TUNAR: variants seen among roughly 807,000 people sequenced by gnomAD.
The protein encoded by TUNAR is transmembrane neural differentiation associated intracellular calcium regulator, also known as protein TUNAR.
chr14:95,916,257 G>A (rs888984482), intron 2 of TUNAR, among the ~76,000 whole-genome samples: 2 of 152,142 alleles, frequency 1.3e-5, no homozygotes, highest in Non-Finnish European at 2.9e-5. Context: ...GAACCACTAC[G>A]TCGGCTTTGG....
chr14:95,920,091 G>A (rs771780053), intron 2 of TUNAR, among the ~76,000 whole-genome samples: 14 of 152,202 alleles, frequency 9.2e-5, no homozygotes, highest in Admixed American at 2.0e-4. Flanking sequence ...AAGAGTGAAC[G>A]AGCCACAGCT....
chr14:95,894,991 C>G (rs773469132), intron 2 of TUNAR, among the ~76,000 whole-genome samples: 1 of 152,222 alleles, frequency 6.6e-6, no homozygotes, highest in African/African-American at 2.4e-5. Context: ...GGCACCACCT[C>G]TCTCCTGACG....
At chr14:95,913,878 G>T (rs942585022) in intron 2 of TUNAR, among the ~76,000 whole-genome samples, 5 of 152,168 alleles carry the variant, frequency 3.3e-5, no homozygotes, top group Non-Finnish European at 7.4e-5. Context: ...GACTACAGGT[G>T]CCAGCCACCA....
At chr14:95,911,330 C>T (rs903703499) in intron 2 of TUNAR, among the ~76,000 whole-genome samples, 3 of 152,246 alleles carry the variant, frequency 2.0e-5, no homozygotes, top group Non-Finnish European at 4.4e-5. Context: ...CTCAGACCTC[C>T]TATCTTGTGG....
chr14:95,905,772 ATTGCCTACTGGTGATTTTTCTGTTTC>A (rs1889420088), intron 2 of TUNAR, among the ~76,000 whole-genome samples: 1 of 152,136 alleles, frequency 6.6e-6, no homozygotes, highest in Admixed American at 6.5e-5. Context: ...TACTGTGGTG[ATTGCCTACTGGTGATTTTTCTGTTTC>A]TCTCTGTCTT....
chr14:95,907,788 T>G (rs1456221316), intron 2 of TUNAR, among the ~76,000 whole-genome samples: 2 of 152,142 alleles, frequency 1.3e-5, no homozygotes, highest in Non-Finnish European at 2.9e-5. Flanking sequence ...GAGGAGGCCC[T>G]GAAGAGGGTG....
At chr14:95,888,209 C>T (rs1175269948) in intron 2 of TUNAR, among the ~76,000 whole-genome samples, 1 of 152,196 alleles carries the variant, frequency 6.6e-6, no homozygotes, top group East Asian at 1.9e-4. Context: ...TAATGGTAAT[C>T]CCAGCTTTGA....
At chr14:95,896,587 T>A (rs1426729328) in intron 2 of TUNAR, among the ~76,000 whole-genome samples, 6 of 152,218 alleles carry the variant, frequency 3.9e-5, no homozygotes, top group African/African-American at 1.2e-4. Context: ...CACTTGTTTT[T>A]CTTTTCGCAA....
chr14:95,922,957 C>A (rs965898313), exon 3 of TUNAR: 1 of 399,022 alleles, frequency 2.5e-6, no homozygotes, highest in African/African-American at 2.1e-5. Context: ...ACATATACAC[C>A]ACCCTGTGAA....
At chr14:95,913,219 C>T (rs1029306920) in intron 2 of TUNAR, among the ~76,000 whole-genome samples, 5 of 148,682 alleles carry the variant, frequency 3.4e-5, no homozygotes, top group South Asian at 2.2e-4. Flanking sequence ...AATAGGTATA[C>T]ATGTACCATG....
At chr14:95,924,514 C>T (rs1889753088) in exon 3 of TUNAR, 1 of 152,348 alleles carries the variant, frequency 6.6e-6, no homozygotes, top group South Asian at 2.1e-4. Context: ...AAAAGACATC[C>T]CCAAGACTGG....
chr14:95,919,591 T>G (rs1169117950), intron 2 of TUNAR, among the ~76,000 whole-genome samples: 2 of 151,930 alleles, frequency 1.3e-5, no homozygotes, highest in Non-Finnish European at 2.9e-5. Flanking sequence ...TGCACGCTGG[T>G]GGTACCAACT....
chr14:95,884,516 C>G (rs900598009), intron 2 of TUNAR, among the ~76,000 whole-genome samples: 19 of 152,242 alleles, frequency 1.2e-4, no homozygotes, highest in African/African-American at 4.3e-4. Context: ...TTGGGCAAAT[C>G]TGTTTCTGGG....
At chr14:95,889,268 T>C (rs979850490) in intron 2 of TUNAR, among the ~76,000 whole-genome samples, 1 of 152,182 alleles carries the variant, frequency 6.6e-6, no homozygotes, top group Non-Finnish European at 1.5e-5. Context: ...TTAAAAATTA[T>C]TTCTTAGGAC....
chr14:95,924,512 TCC>T (rs1033441966), exon 3 of TUNAR: 2 of 152,322 alleles, frequency 1.3e-5, no homozygotes, highest in Admixed American at 1.3e-4. Flanking sequence ...GAAAAAGACA[TCC>T]CCAAGACTGG....
At chr14:95,900,413 G>A (rs1306630160) in intron 2 of TUNAR, among the ~76,000 whole-genome samples, 2 of 152,218 alleles carry the variant, frequency 1.3e-5, no homozygotes, top group African/African-American at 2.4e-5. Context: ...AGGAAGTTGA[G>A]TGTTATTAGA....
rs1215531191 is a variant in TUNAR, at chr14:95,895,594, C to A, written c.12+18417C>A. On this transcript the variant is annotated intron_variant, in intron 2 of 2. Coordinates refer to ENST00000678517, the Ensembl canonical transcript of TUNAR. The surrounding 1 kb of genome is among the most constrained non-coding windows in gnomAD (Gnocchi z 4.5). ...TCATGGTTCGCTCAGCCTCACATTG[C>A]TACAAAGTGGGAATTTTACCAATGA... 6.6e-6 allele frequency among the ~76,000 whole-genome samples: 1 copy of A among 152,158 alleles called. No homozygotes were observed. Among genetic ancestry groups the A allele is most frequent in the African/African-American group, 2.4e-5 (1 of 41,428 alleles).
At chr14:95,906,988 A>G (rs887801706) in intron 2 of TUNAR, among the ~76,000 whole-genome samples, 2 of 152,214 alleles carry the variant, frequency 1.3e-5, no homozygotes, top group Non-Finnish European at 2.9e-5. Context: ...AGATGCATGC[A>G]TGCATTTTTG....
chr14:95,890,771 C>T (rs1252521784), intron 2 of TUNAR, among the ~76,000 whole-genome samples: 1 of 152,180 alleles, frequency 6.6e-6, no homozygotes, highest in Non-Finnish European at 1.5e-5. Flanking sequence ...AACAGGAAGA[C>T]CTTAATATTA....
Sources: allele counts gnomAD v4.1 joint callset (sites outside exome capture counted in the v4.1 genomes callset), GRCh38; gene constraint gnomAD v4.1.1; non-coding constraint Gnocchi (gnomAD v3.1); transcripts MANE v1.5; gene names NCBI Gene and HGNC (gene_info 2026-07-23, HGNC 2026-07-21).